The following PTAR1 variants were observed in gnomAD, a reference collection of about 807,000 sequenced individuals.
PTAR1 encodes the protein protein prenyltransferase alpha subunit repeat containing 1, also known as protein prenyltransferase alpha subunit repeat-containing protein 1.
A neutral mutation model predicts 45.5 loss-of-function variants in PTAR1; 17 were observed. The ratio of observed to expected loss-of-function variants is 0.37; its 90% CI spans 0.26 to 0.56. PTAR1 has a LOEUF of 0.56. Ranked by LOEUF, PTAR1 falls within the 20% of genes least tolerant of loss-of-function variation. The pLI is 0.77. For missense variants in PTAR1, 391 were observed against 476.3 expected (o/e 0.82, Z 1.67); for synonymous variants, 169 against 171.3 (o/e 0.99, Z 0.11).
At chr9:69,718,747 G>A in intron 6 of PTAR1, 63 bp from the exon 7 acceptor site, 1 of 1,347,712 alleles carries the variant, frequency 7.4e-7, no homozygotes. Context: ...AGCTTTTCCA[G>A]AAAAAAAAGT....
intron 3 of PTAR1, 135 bp downstream of exon 3, chr9:69,741,657 A>T (rs554520146): frequency 1.7e-6 from 1 of 591,196 alleles, no homozygotes; most frequent in Admixed American, 2.9e-5. Flanking sequence ...GAATTGTCAC[A>T]GGTATAAAGA....
chr9:69,718,708 A>G, intron 6 of PTAR1, 24 bp from the exon 7 acceptor site: 2 of 1,493,204 alleles, frequency 1.3e-6, no homozygotes, highest in Non-Finnish European at 1.8e-6. Flanking sequence ...GGGAAGGAAG[A>G]GAATAAAGAA....
At chr9:69,721,138 A>C (rs1467723115) in intron 6 of PTAR1, among the ~76,000 whole-genome samples, 3 of 152,220 alleles carry the variant, frequency 2.0e-5, no homozygotes, top group Non-Finnish European at 4.4e-5. Flanking sequence ...AGGGTTCACC[A>C]TTTTAGATGC....
At chr9:69,747,788 C>T (rs899168155) in intron 2 of PTAR1, among the ~76,000 whole-genome samples, 1 of 152,098 alleles carries the variant, frequency 6.6e-6, no homozygotes, top group African/African-American at 2.4e-5. Flanking sequence ...AGACATTATA[C>T]AAGCCACACC....
chr9:69,750,391 G>A (rs189634591), intron 2 of PTAR1, among the ~76,000 whole-genome samples: 145 of 151,954 alleles, frequency 9.5e-4, no homozygotes, highest in Non-Finnish European at 1.6e-3. Flanking sequence ...AATGAGTTTT[G>A]CTGCCTATAA....
At chr9:69,742,666 T>C (rs1826092145) in intron 2 of PTAR1, among the ~76,000 whole-genome samples, 1 of 152,120 alleles carries the variant, frequency 6.6e-6, no homozygotes. Flanking sequence ...GTCTTTAAAA[T>C]AGACTGTATC....
rs1186813096 is a variant in PTAR1 at position 69,711,216 on chromosome 9, A to G, written c.*7126T>C. On this transcript the variant is annotated 3_prime_UTR_variant, in exon 8 of 8. Transcript: ENST00000340434. ...TATTTTCCTAAAAACAACATATGCC[A>G]AAGTACAATACTGACAGTGGTCACC... 3.3e-5 allele frequency: 5 copies of G among 152,196 alleles called. No homozygotes were observed. Among genetic ancestry groups the G allele is most frequent in the African/African-American group, 2.4e-5 (1 of 41,452 alleles). The allele number at this position is 152,196 out of a possible 1,614,324, so 9.4% of individuals were successfully genotyped here.
intron 5 of PTAR1, among the ~76,000 whole-genome samples, chr9:69,730,714 T>C (rs1263859298): frequency 6.6e-6 from 1 of 151,366 alleles, no homozygotes; most frequent in Non-Finnish European, 1.5e-5. Flanking sequence ...AGATTTTCAA[T>C]TTGTTGAGAG....
intron 5 of PTAR1, among the ~76,000 whole-genome samples, chr9:69,725,108 C>A (rs1825204850): frequency 6.6e-6 from 1 of 152,114 alleles, no homozygotes; most frequent in South Asian, 2.1e-4. Flanking sequence ...ACCTGTAGAA[C>A]ATTCTGGCTA....
chr9:69,727,201 C>G (rs1825330303), intron 5 of PTAR1, among the ~76,000 whole-genome samples: 1 of 152,058 alleles, frequency 6.6e-6, no homozygotes, highest in African/African-American at 2.4e-5. Context: ...AGATAACGCT[C>G]TTAGAAATCT....
At chr9:69,719,524 C>T (rs1015158661) in intron 6 of PTAR1, among the ~76,000 whole-genome samples, 4 of 152,134 alleles carry the variant, frequency 2.6e-5, no homozygotes, top group African/African-American at 9.7e-5. Context: ...TATTCTGAAG[C>T]AGACAGGGAG....
chr9:69,711,002 A>G lies in PTAR1; in HGVS notation c.*7340T>C, dbSNP rs990818352. On this transcript the variant is annotated 3_prime_UTR_variant, in exon 8 of 8. Coordinates refer to ENST00000340434, the MANE Select transcript of PTAR1 (RefSeq NM_001099666.2). ...AAGCTCCTCCATGTTAAATTATGCAATTGACTAGTGTCCACAAAATTCGAG... is the reference window on the plus strand; with the variant it reads ...AAGCTCCTCCATGTTAAATTATGCAGTTGACTAGTGTCCACAAAATTCGAG... The G allele has an allele frequency of 1.3e-5, 2 of 152,128 alleles. No homozygotes were observed. The highest frequency in any genetic ancestry group is 4.1e-4 in the South Asian group (2 of 4,830). The allele number at this position is 152,128 out of a possible 1,614,324, so 9.4% of individuals were successfully genotyped here. A position where few individuals can be genotyped will look rare whatever the true frequency, so the allele number is the denominator to read the frequency against.
intron 5 of PTAR1, among the ~76,000 whole-genome samples, chr9:69,726,989 T>C (rs914074988): frequency 2.0e-5 from 3 of 150,884 alleles, no homozygotes; most frequent in Non-Finnish European, 4.4e-5. Context: ...CTCAGGTCTA[T>C]TGAAGAAGTA....
At chr9:69,744,154 C>T (rs1238892934) in intron 2 of PTAR1, among the ~76,000 whole-genome samples, 1 of 152,156 alleles carries the variant, frequency 6.6e-6, no homozygotes, top group Non-Finnish European at 1.5e-5. Context: ...ATCTCCTGAT[C>T]AGCTTGGCCT....
chr9:69,730,250 G>C (rs1825474357), intron 5 of PTAR1, among the ~76,000 whole-genome samples: 1 of 151,962 alleles, frequency 6.6e-6, no homozygotes, highest in African/African-American at 2.4e-5. Flanking sequence ...CTGAACCCAG[G>C]AGTGGACCCT....
intron 1 of PTAR1, 62 bp downstream of exon 1, chr9:69,759,791 G>C: frequency 4.0e-6 from 6 of 1,483,370 alleles, no homozygotes; most frequent in Non-Finnish European, 5.4e-6. Flanking sequence ...TCGGGTGGAC[G>C]CTTGGCCCCG....
At chr9:69,720,567 G>C (rs901288072) in intron 6 of PTAR1, among the ~76,000 whole-genome samples, 1 of 152,214 alleles carries the variant, frequency 6.6e-6, no homozygotes, top group Non-Finnish European at 1.5e-5. Context: ...GATGAAGGCA[G>C]CTATACTGAC....
rs1016932119 is a variant in PTAR1, at chr9:69,711,126, A to G, written c.*7216T>C. 1 of 152,010 alleles carries G rather than the reference A, an allele frequency of 6.6e-6. No homozygotes were observed. The highest frequency in any genetic ancestry group is 1.5e-5 in the Non-Finnish European group (1 of 67,990). The allele number at this position is 152,010 out of a possible 1,614,324, so 9.4% of individuals were successfully genotyped here. A position where few individuals can be genotyped will look rare whatever the true frequency, so the allele number is the denominator to read the frequency against. On this transcript the variant is annotated 3_prime_UTR_variant, in exon 8 of 8. Coordinates refer to ENST00000340434, the MANE Select transcript of PTAR1 (RefSeq NM_001099666.2). The stretch of plus-strand genomic sequence containing the variant: ...TAGTGTATAAATATTTGGCATACTT[A>G]TAATACCTCATCTTTTATTTTTTCC...
intron 1 of PTAR1, among the ~76,000 whole-genome samples, chr9:69,753,864 G>A (rs529401995): frequency 1.3e-5 from 2 of 152,262 alleles, no homozygotes; most frequent in African/African-American, 4.8e-5. Context: ...ATCCTCATCT[G>A]AAACACAGGA....
Sources: gnomAD v4.1 joint callset for allele counts (sites outside exome capture counted in the v4.1 genomes callset) on GRCh38, gnomAD v4.1.1 for gene constraint, MANE v1.5 for transcripts, NCBI Gene and HGNC (gene_info 2026-07-23, HGNC 2026-07-21) for gene names.